The following RIMBP2 variants were observed in gnomAD, a reference collection of about 807,000 sequenced individuals.
RIMBP2 encodes RIMS binding protein 2.
A neutral mutation model predicts 118.6 loss-of-function variants in RIMBP2; 48 were observed. That is an observed-to-expected ratio of 0.40 (90% CI 0.32 to 0.51). RIMBP2 has a LOEUF of 0.51. Among genes scored for constraint, RIMBP2 ranks in the 20% least tolerant of loss-of-function variants. RIMBP2 has a pLI of 0.41. For synonymous variants in RIMBP2, 762 were observed against 742.9 expected, an observed-to-expected ratio of 1.03 and a Z score of -0.42; for missense variants, 1,551 against 1,768.3, an observed-to-expected ratio of 0.88 and a Z score of 2.20.
chr12:130,686,552 G>A (rs769647416), intron 1 of RIMBP2, among the ~76,000 whole-genome samples: 3 of 152,240 alleles, frequency 2.0e-5, no homozygotes, highest in African/African-American at 7.2e-5. Flanking sequence ...AATCACTGCT[G>A]AGATGACAGC....
At chr12:130,692,195 G>A (rs1417979707) in intron 1 of RIMBP2, among the ~76,000 whole-genome samples, 3 of 152,110 alleles carry the variant, frequency 2.0e-5, no homozygotes, top group Non-Finnish European at 4.4e-5. Context: ...AGCATTCTCG[G>A]GACAGAAGTG....
chr12:130,590,384 C>T (rs773337575), intron 2 of RIMBP2, among the ~76,000 whole-genome samples: 6 of 152,174 alleles, frequency 3.9e-5, no homozygotes, highest in Admixed American at 6.5e-5. Flanking sequence ...AAGAGGCCAG[C>T]GGTCCCCAAA....
intron 2 of RIMBP2, among the ~76,000 whole-genome samples, chr12:130,574,933 C>A (rs1227836838): frequency 6.6e-6 from 1 of 151,614 alleles, no homozygotes; most frequent in Non-Finnish European, 1.5e-5. Flanking sequence ...AGTGCTGATG[C>A]CCTGTGCCAA....
At chr12:130,552,086 A>G (rs761395247) in intron 2 of RIMBP2, among the ~76,000 whole-genome samples, 15 of 152,248 alleles carry the variant, frequency 9.9e-5, no homozygotes, top group Non-Finnish European at 1.9e-4. Context: ...TTTAACATCT[A>G]TAAGATGCAT....
intron 2 of RIMBP2, among the ~76,000 whole-genome samples, chr12:130,627,997 A>G (rs1233984638): frequency 6.6e-6 from 1 of 152,148 alleles, no homozygotes; most frequent in African/African-American, 2.4e-5. Context: ...ATTTAGAATC[A>G]ATACCCTAGC....
At chr12:130,418,196 T>C (rs912609782) in intron 17 of RIMBP2, among the ~76,000 whole-genome samples, 4 of 152,250 alleles carry the variant, frequency 2.6e-5, no homozygotes, top group Admixed American at 2.6e-4. Context: ...GTTTACATTA[T>C]TGAGATTCAG....
At chr12:130,494,915 C>T (rs1344044607) in intron 4 of RIMBP2, among the ~76,000 whole-genome samples, 3 of 152,206 alleles carry the variant, frequency 2.0e-5, no homozygotes, top group Non-Finnish European at 4.4e-5. Flanking sequence ...GTCGGCAGGG[C>T]CGGATCCTCT....
At chr12:130,537,154 C>T (rs2054154520) in intron 2 of RIMBP2, among the ~76,000 whole-genome samples, 1 of 152,124 alleles carries the variant, frequency 6.6e-6, no homozygotes, top group African/African-American at 2.4e-5. Context: ...ATGATGCCAC[C>T]AGGGCCACTT....
rs80239023 is a variant in RIMBP2 at position 130,646,418 on chromosome 12, A to G, written c.-351-17962T>C. On this transcript the variant is annotated intron_variant, in intron 1 of 22. Coordinates refer to ENST00000690449, the MANE Select transcript of RIMBP2 (RefSeq NM_001393629.1). Reference sequence around the variant, plus strand: ...CACCACCTGCCTCTCCACCTCCCTCACCACTTCCCTCTCCACCTCCCTTGC... The same window carrying G: ...CACCACCTGCCTCTCCACCTCCCTCGCCACTTCCCTCTCCACCTCCCTTGC... 2.1e-3 allele frequency among the ~76,000 whole-genome samples: 46 copies of G among 21,692 alleles called. 5 individuals are homozygous for G. Among genetic ancestry groups the G allele is most frequent in the East Asian group, 6.2e-3 (4 of 648 alleles). The allele number at this position is 21,692 out of a possible 152,430, so 14.2% of individuals were successfully genotyped here. A position where few individuals can be genotyped will look rare whatever the true frequency, so the allele number is the denominator to read the frequency against.
intron 5 of RIMBP2, among the ~76,000 whole-genome samples, chr12:130,472,558 T>G (rs1199085802): frequency 6.6e-6 from 1 of 152,342 alleles, no homozygotes; most frequent in Non-Finnish European, 1.5e-5. Context: ...TGACTTACAT[T>G]TACAATTCTC....
At chr12:130,632,688 C>T (rs1303026064) in intron 1 of RIMBP2, among the ~76,000 whole-genome samples, 2 of 152,192 alleles carry the variant, frequency 1.3e-5, no homozygotes, top group Non-Finnish European at 2.9e-5. Flanking sequence ...GCATAAAAAA[C>T]TACTCTGTAT....
intron 1 of RIMBP2, among the ~76,000 whole-genome samples, chr12:130,630,785 G>T (rs1304184538): frequency 1.3e-5 from 2 of 152,140 alleles, no homozygotes; most frequent in Admixed American, 1.3e-4. Context: ...TTAAAATTCT[G>T]ATTGACTATT....
chr12:130,596,283 G>A (rs919005636), intron 2 of RIMBP2, among the ~76,000 whole-genome samples: 10 of 152,142 alleles, frequency 6.6e-5, no homozygotes, highest in African/African-American at 2.4e-4. Flanking sequence ...TGCGTTTACT[G>A]AGCACTGACT....
rs1466733712 is a variant in RIMBP2 at position 130,447,967 on chromosome 12, C to T, written c.581+2233G>A. 1.3e-5 allele frequency among the ~76,000 whole-genome samples: 2 copies of T among 151,906 alleles called. No individual in the cohort carries two copies. Among genetic ancestry groups the T allele is most frequent in the Non-Finnish European group, 2.9e-5 (2 of 67,980 alleles). ...AGCAAGAGGAGACACTGATTAGACC[C>T]GGGGCAGAAAACATAACCCCCTCCC... On this transcript the variant is annotated intron_variant, in intron 9 of 22. Coordinates refer to ENST00000690449, the MANE Select transcript of RIMBP2 (RefSeq NM_001393629.1). The surrounding 1 kb of genome is among the most constrained non-coding windows in gnomAD (Gnocchi z 4.4).
chr12:130,686,830 G>A (rs2065071033), intron 1 of RIMBP2, among the ~76,000 whole-genome samples: 1 of 152,236 alleles, frequency 6.6e-6, no homozygotes, highest in South Asian at 2.1e-4. Flanking sequence ...AGGTGTCGAG[G>A]CGGGAAGGGG....
rs2078508796 is a variant in RIMBP2 at position 130,446,167 on chromosome 12, A to C, written c.582-898T>G. Among the ~76,000 whole-genome samples the C allele has an allele frequency of 6.6e-6, 1 of 152,224 alleles. No homozygotes were observed. The highest frequency in any genetic ancestry group is 2.4e-5 in the African/African-American group (1 of 41,458). On this transcript the variant is annotated intron_variant, in intron 9 of 22. Transcript: ENST00000690449. The surrounding 1 kb of genome is among the most constrained non-coding windows in gnomAD (Gnocchi z 4.1). ...ATGAATTGGGGATTCTCTAAATAAAAGGCAAATTAACTTAAAATAACAGCG... is the reference window on the plus strand; with the variant it reads ...ATGAATTGGGGATTCTCTAAATAAACGGCAAATTAACTTAAAATAACAGCG...
At chr12:130,482,043 C>A (rs2138186472) in intron 4 of RIMBP2, among the ~76,000 whole-genome samples, 1 of 152,036 alleles carries the variant, frequency 6.6e-6, no homozygotes, top group African/African-American at 2.4e-5. Context: ...CCAAGACAAA[C>A]TGACAGAGCC....
chr12:130,596,726 C>G (rs1425608672), intron 2 of RIMBP2, among the ~76,000 whole-genome samples: 2 of 152,190 alleles, frequency 1.3e-5, no homozygotes, highest in African/African-American at 4.8e-5. Flanking sequence ...CCCTAACAGC[C>G]CCACTGATAT....
intron 4 of RIMBP2, among the ~76,000 whole-genome samples, chr12:130,484,237 G>A (rs2082294552): frequency 1.3e-5 from 2 of 152,158 alleles, no homozygotes; most frequent in African/African-American, 4.8e-5. Context: ...ACTGCCTCTT[G>A]CCTCCTGATG....
Sources: gnomAD v4.1 joint callset for allele counts (sites outside exome capture counted in the v4.1 genomes callset) on GRCh38, gnomAD v4.1.1 for gene constraint, Gnocchi (gnomAD v3.1) non-coding constraint, MANE v1.5 for transcripts, NCBI Gene and HGNC (gene_info 2026-07-23, HGNC 2026-07-21) for gene names.